SCAI: variants seen among roughly 807,000 people sequenced by gnomAD.
SCAI encodes the protein protein SCAI.
Under a neutral mutation model 92.2 loss-of-function variants are expected in SCAI, and 24 were observed. The observed-to-expected ratio is 0.26, with a 90% CI of 0.19 to 0.37. The LOEUF (loss-of-function observed/expected upper bound fraction) is 0.37, where lower values mean the gene tolerates loss of function less well. Ranked by LOEUF, SCAI falls within the 10% of genes least tolerant of loss-of-function variation. SCAI has a pLI of 1.00. For synonymous variants in SCAI, 261 were observed against 258.6 expected, an observed-to-expected ratio of 1.01 and a Z score of -0.09; for missense variants, 450 against 736.2, an observed-to-expected ratio of 0.61 and a Z score of 4.50.
At chr9:125,133,053 C>G (rs1173570581) in intron 2 of SCAI, among the ~76,000 whole-genome samples, 1 of 152,074 alleles carries the variant, frequency 6.6e-6, no homozygotes. Flanking sequence ...AAGTAAAAGG[C>G]AAGCCATACA....
intron 13 of SCAI, among the ~76,000 whole-genome samples, chr9:124,995,919 C>T (rs552712747): frequency 2.3e-4 from 35 of 152,120 alleles, no homozygotes; most frequent in African/African-American, 8.0e-4. Flanking sequence ...AGAGCCAATG[C>T]GTAAGGTCAG....
intron 9 of SCAI, among the ~76,000 whole-genome samples, chr9:125,011,551 G>A (rs12546922): frequency 5.3e-5 from 8 of 152,314 alleles, no homozygotes; most frequent in East Asian, 1.9e-4. Context: ...CCAAATCTAC[G>A]TCTGATTGGT....
At chr9:125,005,651 G>A (rs912689463) in intron 9 of SCAI, among the ~76,000 whole-genome samples, 2 of 152,162 alleles carry the variant, frequency 1.3e-5, no homozygotes, top group Non-Finnish European at 2.9e-5. Flanking sequence ...GATTAAAGAA[G>A]GGGAAGAGGT....
chr9:125,126,911 T>C (rs546460939), intron 2 of SCAI, among the ~76,000 whole-genome samples: 2 of 152,312 alleles, frequency 1.3e-5, no homozygotes, highest in South Asian at 2.1e-4. Flanking sequence ...TCCTATTTGC[T>C]TCTTTGCCTC....
intron 3 of SCAI, among the ~76,000 whole-genome samples, chr9:125,049,172 T>C (rs939023676): frequency 6.6e-6 from 1 of 151,954 alleles, no homozygotes; most frequent in Non-Finnish European, 1.5e-5. Flanking sequence ...TACTATTATA[T>C]GTACTATAAT....
chr9:124,984,802 C>A (rs1435538367), intron 14 of SCAI, among the ~76,000 whole-genome samples: 1 of 152,062 alleles, frequency 6.6e-6, no homozygotes, highest in Non-Finnish European at 1.5e-5. Flanking sequence ...AGGTTGTCAA[C>A]ACAGAAACAG....
At chr9:125,002,632 G>A (rs1188366603) in intron 11 of SCAI, among the ~76,000 whole-genome samples, 1 of 151,862 alleles carries the variant, frequency 6.6e-6, no homozygotes, top group East Asian at 1.9e-4. Context: ...ACAGGCATGT[G>A]CCACCACACC....
At chr9:124,999,288 G>A (rs1832310200) in intron 13 of SCAI, among the ~76,000 whole-genome samples, 1 of 151,864 alleles carries the variant, frequency 6.6e-6, no homozygotes, top group Non-Finnish European at 1.5e-5. Flanking sequence ...GCAGGAGGCT[G>A]AGGCAGGAGA....
chr9:125,053,179 C>T (rs1188134105), intron 3 of SCAI, among the ~76,000 whole-genome samples: 4 of 152,018 alleles, frequency 2.6e-5, no homozygotes, highest in Non-Finnish European at 5.9e-5. Flanking sequence ...ACCAAAAATA[C>T]AAAAATTACT....
At chr9:124,994,281 C>T (rs149936500) in intron 14 of SCAI, among the ~76,000 whole-genome samples, 2,552 of 152,256 alleles carry the variant, frequency 0.017, 72 homozygotes, top group African/African-American at 0.059. Flanking sequence ...GTAATCTGCC[C>T]GCCTCGGCCT....
At chr9:125,052,994 G>A (rs1488696166) in intron 3 of SCAI, among the ~76,000 whole-genome samples, 2 of 152,104 alleles carry the variant, frequency 1.3e-5, no homozygotes, top group Non-Finnish European at 2.9e-5. Context: ...TTGGAAAACA[G>A]TTTGGCAGGT....
At chr9:124,984,982 A>G (rs1831958715) in intron 14 of SCAI, among the ~76,000 whole-genome samples, 1 of 152,220 alleles carries the variant, frequency 6.6e-6, no homozygotes, top group African/African-American at 2.4e-5. Flanking sequence ...GAATCAATCT[A>G]GCAACTTGAA....
rs188315078 is a variant in SCAI at position 124,968,805 on chromosome 9, C to T, written c.1674+2565G>A. Reference sequence around the variant, plus strand: ...GGCCACGGCGATTCCAGTGCGCAGGCCCCAGCAGCCATAGAGCGGGGCCAA... The same window carrying T: ...GGCCACGGCGATTCCAGTGCGCAGGTCCCAGCAGCCATAGAGCGGGGCCAA... On this transcript the variant is annotated intron_variant, in intron 17 of 17. Coordinates refer to ENST00000336505, the MANE Select transcript of SCAI (RefSeq NM_001144877.3). 5.4e-6 allele frequency: 4 copies of T among 736,598 alleles called. No individual in the cohort carries two copies. The Admixed American group carries it at 6.1e-5, about 11-fold the overall frequency. The allele number at this position is 736,598 out of a possible 1,614,324, so 45.6% of individuals were successfully genotyped here.
chr9:124,963,788 AAG>A (rs1188711620), intron 17 of SCAI, among the ~76,000 whole-genome samples: 2 of 151,256 alleles, frequency 1.3e-5, no homozygotes, highest in African/African-American at 4.9e-5. Context: ...AAAAAGGAAA[AAG>A]AAAATCATAA....
At chr9:125,130,012 C>CCTCA (rs1835365019) in intron 2 of SCAI, among the ~76,000 whole-genome samples, 1 of 151,896 alleles carries the variant, frequency 6.6e-6, no homozygotes, top group Non-Finnish European at 1.5e-5. Context: ...GATTCTCCTG[C>CCTCA]CTCAGCCACC....
At chr9:124,999,706 T>C (rs1166749910) in intron 13 of SCAI, among the ~76,000 whole-genome samples, 185 bp downstream of exon 13, 4 of 152,156 alleles carry the variant, frequency 2.6e-5, no homozygotes, top group Admixed American at 2.6e-4. Context: ...AAGTTCTAAT[T>C]TCCTAGGATA....
intron 16 of SCAI, 43 bp downstream of exon 16, chr9:124,971,628 T>C: frequency 6.6e-7 from 1 of 1,509,126 alleles, no homozygotes. Flanking sequence ...TTTAAGCCAT[T>C]ATAGTACATT....
chr9:124,991,122 G>A (rs1332320034), intron 14 of SCAI, among the ~76,000 whole-genome samples: 1 of 152,162 alleles, frequency 6.6e-6, no homozygotes, highest in Non-Finnish European at 1.5e-5. Flanking sequence ...GAAGGCCGAG[G>A]TGGGTGGATC....
intron 14 of SCAI, among the ~76,000 whole-genome samples, chr9:124,986,280 G>C (rs1831988974): frequency 6.6e-6 from 1 of 152,042 alleles, no homozygotes; most frequent in Non-Finnish European, 1.5e-5. Context: ...AACAGATCGA[G>C]ACTCCGTCTC....
Sources: allele counts gnomAD v4.1 joint callset (sites outside exome capture counted in the v4.1 genomes callset), GRCh38; gene constraint gnomAD v4.1.1; transcripts MANE v1.5; gene names NCBI Gene and HGNC (gene_info 2026-07-23, HGNC 2026-07-21).